Variants in CCL3 observed in about 807,000 individuals in gnomAD.
The protein encoded by CCL3 is C-C motif chemokine ligand 3.
A neutral mutation model predicts 8.1 loss-of-function variants in CCL3; 6 were observed. That is an observed-to-expected ratio of 0.74 (90% CI 0.41 to 1.46). The LOEUF is 1.46. CCL3 is among the 40% of genes most tolerant of loss of function. The pLI, the probability that CCL3 is intolerant of heterozygous loss-of-function variation, is 0.02. For missense variants in CCL3, 109 were observed against 117.7 expected, an observed-to-expected ratio of 0.93 and a Z score of 0.34; for synonymous variants, 45 against 45.1, an observed-to-expected ratio of 1.00 and a Z score of 0.01.
At position 36,089,447 on chromosome 17, in the gene CCL3, G is replaced by GTTTCTGTCTGTATCCTTC. The variant is rs2067022492; in HGVS notation, c.74-168_74-151dup. ...CATTTTTGCTGAGAAATGTCTCTTT[G>GTTTCTGTCTGTATCCTTC]TTTCTGTCTGTATCCTTCTTTCTCC... On this transcript the variant is annotated intron_variant, in intron 1 of 2. Transcript: ENST00000613922. 3.7e-6 allele frequency: 3 copies of GTTTCTGTCTGTATCCTTC among 816,732 alleles called. No homozygotes were observed. The Admixed American group carries it at 6.4e-5, about 17-fold the overall frequency. The allele number at this position is 816,732 out of a possible 1,614,324, so 50.6% of individuals were successfully genotyped here.
Position 36,090,005 on chromosome 17 carries a change from G to A in CCL3, c.54C>T (p.Cys18=), listed in dbSNP as rs2067030981. The A allele has an allele frequency of 1.2e-6, 2 of 1,613,854 alleles. No individual in the cohort carries two copies. Among genetic ancestry groups the A allele is most frequent in the Admixed American group, 1.7e-5 (1 of 60,006 alleles). The change falls in exon 1 of 3, where the codon TGC becomes TGT. Residue 18 remains cysteine, a synonymous_variant. Coordinates refer to ENST00000613922, the MANE Select transcript of CCL3 (RefSeq NM_002983.3). ...ACTCACGTGATGCAGAGAACTGGTT[G>A]CAGAGAGCCATGGTGCAGAGGAGGA... ...LAVLLCTMAL[C]NQFSASLAAD...
At position 36,088,448 on chromosome 17, in the gene CCL3, A is replaced by G; in HGVS notation, c.*224T>C. 1.8e-6 allele frequency: 1 copy of G among 568,842 alleles called. No individual in the cohort carries two copies. Among genetic ancestry groups the G allele is most frequent in the Non-Finnish European group, 3.1e-6 (1 of 318,584 alleles). The allele number at this position is 568,842 out of a possible 1,614,324, so 35.2% of individuals were successfully genotyped here. On this transcript the variant is annotated 3_prime_UTR_variant, in exon 3 of 3. Transcript: ENST00000613922. ...GGGGACAGGGGAACTCTCAGAGCAA[A>G]CAATCACAAACACACTGTGAAATCG... is the stretch of plus-strand genomic sequence containing the variant.
chr17:36,088,830 C>T, intron 2 of CCL3, 68 bp from the exon 3 acceptor site: 12 of 1,590,772 alleles, frequency 7.5e-6, no homozygotes, highest in East Asian at 2.2e-5. Flanking sequence ...CCACCATGGC[C>T]CCACCATTCT....
At chr17:36,088,814 C>G (rs759898496) in intron 2 of CCL3, 52 bp from the exon 3 acceptor site, 4 of 1,607,336 alleles carry the variant, frequency 2.5e-6, no homozygotes, top group Non-Finnish European at 3.4e-6. Context: ...CAGGGGAATC[C>G]TGGGCCCACC....
At position 36,089,142 on chromosome 17, in the gene CCL3, T is replaced by A. The variant is rs773060668; in HGVS notation, c.188+41A>T. ...CCTGTCTCTGCCCCAACCCTGACCC[T>A]CCCTACCTCCATAGAGGTGAGCAGG... On this transcript the variant is annotated intron_variant, in intron 2 of 2. Coordinates refer to ENST00000613922, the MANE Select transcript of CCL3 (RefSeq NM_002983.3). 2.5e-6 allele frequency: 4 copies of A among 1,612,558 alleles called. No homozygotes were observed. The South Asian group carries it at 3.3e-5, about 13-fold the overall frequency.
Position 36,088,734 on chromosome 17 carries a change from A to G in CCL3, c.217T>C (p.Cys73Arg), listed in dbSNP as rs1410554723. ...IFLTKRSRQV[C>R]ADPSEEWVQK... ...ACCCACTCCTCACTGGGGTCAGCACAGACCTGCCGGCTTCGCTTGGTTAGG... is the reference window on the plus strand; with the variant it reads ...ACCCACTCCTCACTGGGGTCAGCACGGACCTGCCGGCTTCGCTTGGTTAGG... Residue 73 changes from cysteine (C) to arginine (R), a missense_variant, in exon 3 of 3, where the codon TGT (cysteine) becomes CGT (arginine). Cys to Arg is a radical substitution (Grantham distance 180). Coordinates refer to ENST00000613922, the MANE Select transcript of CCL3 (RefSeq NM_002983.3). The G allele has an allele frequency of 6.2e-7, 1 of 1,613,854 alleles. No homozygotes were observed. Among genetic ancestry groups the G allele is most frequent in the Admixed American group, 1.7e-5 (1 of 60,020 alleles).
chr17:36,089,491 TTC>T (rs1202048647), intron 1 of CCL3, 194 bp from the exon 2 acceptor site: 1 of 642,530 alleles, frequency 1.6e-6, no homozygotes, highest in East Asian at 2.7e-5. Flanking sequence ...TCATAGTGGG[TTC>T]TCTGTTTCTC....
Position 36,088,374 on chromosome 17 carries a change from T to C in CCL3, c.*298A>G, listed in dbSNP as rs8951. 87,347 of 438,862 alleles carry C rather than the reference T, an allele frequency of 0.2. 9,752 individuals are homozygous for C. Among genetic ancestry groups the C allele is most frequent in the East Asian group, 0.31 (7,003 of 22,320 alleles). The allele number at this position is 438,862 out of a possible 1,614,324, so 27.2% of individuals were successfully genotyped here. ...TGGTGCCATGACTGCCTACACAGGC[T>C]GATGACAGCCACTCGGTTGTCACCA... On this transcript the variant is annotated 3_prime_UTR_variant, in exon 3 of 3. Transcript: ENST00000613922.
At chr17:36,089,469 C>T in intron 1 of CCL3, 172 bp from the exon 2 acceptor site, 3 of 701,464 alleles carry the variant, frequency 4.3e-6, no homozygotes, top group Non-Finnish European at 7.4e-6. Flanking sequence ...ATCCTTCTTT[C>T]TCCTTGACTC....
rs372080858 is a variant in CCL3 at position 36,089,285 on chromosome 17, G to A, written c.86C>T (p.Thr29Met). 20 of 1,614,002 alleles carry A rather than the reference G, an allele frequency of 1.2e-5. No homozygotes were observed. Among genetic ancestry groups the A allele is most frequent in the Middle Eastern group, 1.6e-4 (1 of 6,084 alleles). The change falls in exon 2 of 3, where the codon ACG becomes ATG. Residue 29 changes from threonine to methionine, a missense_variant. By Grantham distance (81) the Thr-to-Met change is moderately conservative (BLOSUM62 -1). Transcript: ENST00000613922. ...NQFSASLAAD[T>M]PTACCFSYTS... ...GTAGCTGAAGCAGCAGGCGGTCGGC[G>A]TGTCAGCAGCAACTGTGGAGAAAGG... is the stretch of plus-strand genomic sequence containing the variant.
intron 1 of CCL3, 67 bp from the exon 2 acceptor site, chr17:36,089,364 C>G: frequency 4.4e-6 from 7 of 1,607,484 alleles, no homozygotes; most frequent in Non-Finnish European, 6.0e-6. Flanking sequence ...AGCTTCTGAT[C>G]CCCGAGCAGT....
At position 36,089,797 on chromosome 17, in the gene CCL3, C is replaced by T. The variant is rs1298830830; in HGVS notation, c.73+189G>A. 3.2e-5 allele frequency: 23 copies of T among 729,132 alleles called. No individual in the cohort carries two copies. The South Asian group carries it at 3.3e-4, about 10-fold the overall frequency. The allele number at this position is 729,132 out of a possible 1,614,324, so 45.2% of individuals were successfully genotyped here. A position where few individuals can be genotyped will look rare whatever the true frequency, so the allele number is the denominator to read the frequency against. On this transcript the variant is annotated intron_variant, in intron 1 of 2. Coordinates refer to ENST00000613922, the MANE Select transcript of CCL3 (RefSeq NM_002983.3). Reference sequence around the variant, plus strand: ...CCCTGCCCCTGCCTAGATTCTCATACCTGGAGACTAGGGGGCTAAGACCCC... The same window carrying T: ...CCCTGCCCCTGCCTAGATTCTCATATCTGGAGACTAGGGGGCTAAGACCCC...
chr17:36,089,273 C>T lies in CCL3; in HGVS notation c.98G>A (p.Cys33Tyr). 5.0e-6 allele frequency: 8 copies of T among 1,614,068 alleles called. No homozygotes were observed. The highest frequency in any genetic ancestry group is 6.8e-6 in the Non-Finnish European group (8 of 1,180,000). Residue 33 changes from cysteine to tyrosine, a missense_variant, in exon 2 of 3, where the codon TGC becomes TAC. Cys to Tyr is a radical substitution (Grantham distance 194). Coordinates refer to ENST00000613922, the MANE Select transcript of CCL3 (RefSeq NM_002983.3). The stretch of plus-strand genomic sequence containing the variant: ...CTGCCGGGAGGTGTAGCTGAAGCAG[C>T]AGGCGGTCGGCGTGTCAGCAGCAAC... ...ASLAADTPTA[C>Y]CFSYTSRQIP... is the part of the protein sequence containing the mutation.
intron 2 of CCL3, among the ~76,000 whole-genome samples, 173 bp from the exon 3 acceptor site, chr17:36,088,935 T>G (rs1421303301): frequency 1.3e-5 from 2 of 149,176 alleles, no homozygotes; most frequent in African/African-American, 4.8e-5. Flanking sequence ...TCAGTAGGGG[T>G]GGCCCTCAGA....
intron 1 of CCL3, chr17:36,089,734 G>A (rs936559517): frequency 3.3e-5 from 23 of 701,772 alleles, no homozygotes; most frequent in East Asian, 5.6e-5. Context: ...GATTCGTTTC[G>A]AACCCTGTTT....
intron 1 of CCL3, chr17:36,089,553 C>A: frequency 1.6e-6 from 1 of 612,118 alleles, no homozygotes. Flanking sequence ...CAGTTCTCTT[C>A]AGGGAATTTT....
intron 2 of CCL3, 101 bp from the exon 3 acceptor site, chr17:36,088,863 G>C: frequency 6.6e-7 from 1 of 1,506,490 alleles, no homozygotes; most frequent in East Asian, 2.3e-5. Flanking sequence ...GGGCAGCTCA[G>C]GGCTTGCTCC....
At chr17:36,088,844 C>G (rs1229700112) in intron 2 of CCL3, 82 bp from the exon 3 acceptor site, 6 of 1,570,904 alleles carry the variant, frequency 3.8e-6, no homozygotes, top group East Asian at 2.2e-5. Context: ...CCATTCTGCT[C>G]TCTGTCCTGG....
rs1301555431 is a variant in CCL3 at position 36,088,283 on chromosome 17, A to G, written c.*389T>C. ...TACCTTTTAAAAGAGCATCTTTATTATTTCCCCAGGCCGATCACAGCCCTG... is the reference window on the plus strand; with the variant it reads ...TACCTTTTAAAAGAGCATCTTTATTGTTTCCCCAGGCCGATCACAGCCCTG... On this transcript the variant is annotated 3_prime_UTR_variant, in exon 3 of 3. Transcript: ENST00000613922. The G allele has an allele frequency of 3.3e-5, 7 of 211,644 alleles. No homozygotes were observed. Among genetic ancestry groups the G allele is most frequent in the Non-Finnish European group, 5.7e-5 (6 of 105,644 alleles). The allele number at this position is 211,644 out of a possible 1,614,324, so 13.1% of individuals were successfully genotyped here. A position where few individuals can be genotyped will look rare whatever the true frequency, so the allele number is the denominator to read the frequency against.
Sources: allele counts gnomAD v4.1 joint callset (sites outside exome capture counted in the v4.1 genomes callset), GRCh38; gene constraint gnomAD v4.1.1; transcripts MANE v1.5; gene names NCBI Gene and HGNC (gene_info 2026-07-23, HGNC 2026-07-21).